The following ROBO1 variants were observed in gnomAD, a reference collection of about 807,000 sequenced individuals.
ROBO1 encodes roundabout guidance receptor 1, also known as roundabout homolog 1.
Under a neutral mutation model 195.9 loss-of-function variants are expected in ROBO1, and 149 were observed. That is an observed-to-expected ratio of 0.76 (90% CI 0.67 to 0.87). The LOEUF (loss-of-function observed/expected upper bound fraction) is 0.87. Ranked by LOEUF, ROBO1 falls within the 40% of genes least tolerant of loss-of-function variation. The pLI is 0.00. For synonymous variants in ROBO1, 816 were observed against 733.2 expected, an observed-to-expected ratio of 1.11 and a Z score of -1.82; for missense variants, 1,933 against 2,068.3, an observed-to-expected ratio of 0.93 and a Z score of 1.27.
intron 2 of ROBO1, among the ~76,000 whole-genome samples, chr3:79,482,909 A>G (rs1157583400): frequency 6.6e-6 from 1 of 152,144 alleles, no homozygotes; most frequent in African/African-American, 2.4e-5. Context: ...CTCTTCTTCT[A>G]TAATAATTGT....
At chr3:78,976,265 C>T (rs1453363957) in intron 3 of ROBO1, among the ~76,000 whole-genome samples, 5 of 152,162 alleles carry the variant, frequency 3.3e-5, no homozygotes, top group Non-Finnish European at 7.4e-5. Flanking sequence ...GACTCAGGGT[C>T]ATCCTGCATC....
intron 2 of ROBO1, among the ~76,000 whole-genome samples, chr3:79,360,920 G>A (rs2035743953): frequency 6.6e-6 from 1 of 152,050 alleles, no homozygotes; most frequent in Admixed American, 6.6e-5. Flanking sequence ...ACTGCAGGTG[G>A]CCATGCTCAC....
At position 79,060,639 on chromosome 3, in the gene ROBO1, A is replaced by G. The variant is rs374528989; in HGVS notation, c.172+64817T>C. On this transcript the variant is annotated intron_variant, in intron 3 of 30. Coordinates refer to ENST00000464233, the MANE Select transcript of ROBO1 (RefSeq NM_002941.4). ...CTGAATCCAGCAGCAGATAAGTAGA[A>G]GCTTATCTACCATGATCAAGTTGGC... Among the ~76,000 whole-genome samples, 10 of 152,230 alleles carry G rather than the reference A, an allele frequency of 6.6e-5. No individual in the cohort carries two copies. The East Asian group carries it at 1.9e-3, about 30-fold the overall frequency.
intron 2 of ROBO1, among the ~76,000 whole-genome samples, chr3:79,476,386 C>T (rs981484381): frequency 3.3e-5 from 5 of 151,916 alleles, no homozygotes; most frequent in East Asian, 1.9e-4. Context: ...TCTCATTATC[C>T]GATCCAGATA....
intron 2 of ROBO1, among the ~76,000 whole-genome samples, chr3:79,324,690 T>C (rs1374635632): frequency 2.0e-5 from 3 of 152,078 alleles, no homozygotes; most frequent in Non-Finnish European, 4.4e-5. Context: ...CACAGTGAAC[T>C]CAAGAGAGAA....
intron 2 of ROBO1, among the ~76,000 whole-genome samples, chr3:79,319,846 A>C (rs2033898978): frequency 6.6e-6 from 1 of 152,168 alleles, no homozygotes; most frequent in South Asian, 2.1e-4. Context: ...GTTATAATTT[A>C]TTGAATAATT....
At chr3:78,756,688 T>C (rs1480864172) in intron 4 of ROBO1, among the ~76,000 whole-genome samples, 1 of 152,108 alleles carries the variant, frequency 6.6e-6, no homozygotes, top group African/African-American at 2.4e-5. Flanking sequence ...ATAGCATGCT[T>C]TGTTTAATTG....
At chr3:79,064,254 G>GA (rs1172924065) in intron 3 of ROBO1, among the ~76,000 whole-genome samples, 1 of 151,648 alleles carries the variant, frequency 6.6e-6, no homozygotes, top group Non-Finnish European at 1.5e-5. Flanking sequence ...TATTAGGTCT[G>GA]AAAAAAATAG....
chr3:79,649,455 T>A (rs1945935089), intron 1 of ROBO1, among the ~76,000 whole-genome samples: 1 of 152,092 alleles, frequency 6.6e-6, no homozygotes, highest in South Asian at 2.1e-4. Context: ...ATAATTGAAT[T>A]AAAATTCTAA....
At chr3:79,287,454 G>A (rs1054267980) in intron 2 of ROBO1, among the ~76,000 whole-genome samples, 1 of 152,066 alleles carries the variant, frequency 6.6e-6, no homozygotes, top group African/African-American at 2.4e-5. Context: ...CATGTTGATG[G>A]AGATATTTAA....
At chr3:78,960,556 G>C (rs1255150312) in intron 3 of ROBO1, among the ~76,000 whole-genome samples, 1 of 151,904 alleles carries the variant, frequency 6.6e-6, no homozygotes, top group African/African-American at 2.4e-5. Flanking sequence ...CAAGGCAGGT[G>C]AATCACGAGG....
At chr3:79,308,799 A>C (rs2033344308) in intron 2 of ROBO1, among the ~76,000 whole-genome samples, 1 of 152,196 alleles carries the variant, frequency 6.6e-6, no homozygotes, top group Admixed American at 6.5e-5. Context: ...AAGATGGTAA[A>C]AAAATGAAAT....
chr3:78,919,655 C>T (rs963391109), intron 4 of ROBO1, among the ~76,000 whole-genome samples: 1 of 152,088 alleles, frequency 6.6e-6, no homozygotes, highest in African/African-American at 2.4e-5. Flanking sequence ...TTTTACAGGG[C>T]CAGATTAAAT....
chr3:78,640,041 T>C (rs1211933729), intron 21 of ROBO1, 143 bp from the exon 22 acceptor site: 1 of 720,668 alleles, frequency 1.4e-6, no homozygotes, highest in Non-Finnish European at 2.1e-6. Flanking sequence ...ATCCCTTTTA[T>C]TCTACACACA....
chr3:79,660,757 A>G (rs1946304795), intron 1 of ROBO1, among the ~76,000 whole-genome samples: 2 of 152,086 alleles, frequency 1.3e-5, no homozygotes, highest in Admixed American at 1.3e-4. Context: ...TTGGTATTCT[A>G]ATACCCAAAT....
At chr3:79,518,569 C>T (rs527616153) in intron 2 of ROBO1, among the ~76,000 whole-genome samples, 2 of 152,140 alleles carry the variant, frequency 1.3e-5, no homozygotes, top group East Asian at 3.9e-4. Flanking sequence ...AGGAGGATTG[C>T]TTTTCAGAAT....
At chr3:78,888,800 A>C (rs1172403300) in intron 4 of ROBO1, among the ~76,000 whole-genome samples, 1 of 152,114 alleles carries the variant, frequency 6.6e-6, no homozygotes, top group African/African-American at 2.4e-5. Context: ...AATACTAAAA[A>C]CTGTGTAAGT....
At chr3:79,642,185 TAATC>T (rs1159314375) in intron 1 of ROBO1, among the ~76,000 whole-genome samples, 1 of 152,090 alleles carries the variant, frequency 6.6e-6, no homozygotes, top group Non-Finnish European at 1.5e-5. Flanking sequence ...GTAGTGAAAA[TAATC>T]AGTGAGCTTG....
chr3:79,317,670 C>T (rs2033795883), intron 2 of ROBO1, among the ~76,000 whole-genome samples: 1 of 152,100 alleles, frequency 6.6e-6, no homozygotes, highest in Non-Finnish European at 1.5e-5. Context: ...TAATCAACAT[C>T]CCATCCTTCC....
Sources: gnomAD v4.1 joint callset for allele counts (sites outside exome capture counted in the v4.1 genomes callset) on GRCh38, gnomAD v4.1.1 for gene constraint, MANE v1.5 for transcripts, NCBI Gene and HGNC (gene_info 2026-07-23, HGNC 2026-07-21) for gene names.